Variants in PLD5 observed in about 807,000 individuals in gnomAD.
The protein encoded by PLD5 is phospholipase D family member 5.
PLD5 carries 36 observed loss-of-function variants against 61.1 expected under a neutral mutation model. The observed-to-expected ratio is 0.59, with a 90% CI of 0.45 to 0.78. The LOEUF (loss-of-function observed/expected upper bound fraction) is 0.78. Ranked by LOEUF, PLD5 falls within the 30% of genes least tolerant of loss-of-function variation. The pLI is 0.00. For synonymous variants in PLD5, 243 were observed against 242.8 expected (o/e 1.00, Z -0.01); for missense variants, 515 against 644.4 (o/e 0.80, Z 2.17).
chr1:242,523,641 C>T (rs1433642592), intron 1 of PLD5, among the ~76,000 whole-genome samples: 3 of 152,346 alleles, frequency 2.0e-5, no homozygotes, highest in East Asian at 3.9e-4. Context: ...TCGCTAGCGG[C>T]GCCAACTTTA....
In PLD5 at chr1:242,187,465, T is replaced by C. The variant is rs376221905; in HGVS notation, c.735+32523A>G. 3.5e-4 allele frequency among the ~76,000 whole-genome samples: 54 copies of C among 152,350 alleles called. No individual in the cohort carries two copies. The East Asian group carries it at 6.0e-3, about 17-fold the overall frequency. ...TGTTCATTTTTGTTGTGTGCACTTG[T>C]GCATATTCATAACTGATATATGCAC... On this transcript the variant is annotated intron_variant, in intron 5 of 9. Transcript: ENST00000536534.
intron 5 of PLD5, among the ~76,000 whole-genome samples, chr1:242,126,527 C>T (rs1284845678): frequency 1.3e-5 from 2 of 152,188 alleles, no homozygotes; most frequent in African/African-American, 4.8e-5. Flanking sequence ...GCCAACTGAT[C>T]TATGACAATG....
At chr1:242,368,252 A>T (rs947174786) in intron 1 of PLD5, among the ~76,000 whole-genome samples, 7 of 152,122 alleles carry the variant, frequency 4.6e-5, no homozygotes, top group South Asian at 2.1e-4. Context: ...ACCCTATAAA[A>T]GCCTTCTCCT....
In PLD5 at chr1:242,179,921, A is replaced by AGTGT. The variant is rs4039792; in HGVS notation, c.735+40063_735+40066dup. Reference sequence around the variant, plus strand: ...CTGTCTCAAAACAAAACCAAAATTGAGTGTGTGTGTGTGTGTGTGTGTGTG... The same window carrying AGTGT: ...CTGTCTCAAAACAAAACCAAAATTGAGTGTGTGTGTGTGTGTGTGTGTGTGTGTG... On this transcript the variant is annotated intron_variant, in intron 5 of 9. Coordinates refer to ENST00000536534, the MANE Select transcript of PLD5 (RefSeq NM_001372062.1). Among the ~76,000 whole-genome samples the AGTGT allele has an allele frequency of 1.3e-3, 203 of 150,552 alleles. 2 individuals carry two copies. The highest frequency in any genetic ancestry group is 4.3e-3 in the African/African-American group (175 of 41,046).
chr1:242,366,856 T>C (rs59756172), intron 1 of PLD5, among the ~76,000 whole-genome samples: 2,084 of 152,248 alleles, frequency 0.014, 53 homozygotes, highest in African/African-American at 0.048. Context: ...AAGCAAAGGC[T>C]AATAAATCAA....
chr1:242,110,170 T>C (rs1574313163), intron 7 of PLD5, among the ~76,000 whole-genome samples: 1 of 151,584 alleles, frequency 6.6e-6, no homozygotes, highest in Non-Finnish European at 1.5e-5. Context: ...CAGTTTCAAA[T>C]AGTGTATCAT....
chr1:242,434,421 G>T (rs1023063022), intron 1 of PLD5, among the ~76,000 whole-genome samples: 1 of 152,146 alleles, frequency 6.6e-6, no homozygotes, highest in African/African-American at 2.4e-5. Flanking sequence ...AGACAAGGTG[G>T]GTTTGATATG....
chr1:242,127,352 C>A (rs1662877482), intron 5 of PLD5, among the ~76,000 whole-genome samples: 1 of 152,170 alleles, frequency 6.6e-6, no homozygotes, highest in Non-Finnish European at 1.5e-5. Flanking sequence ...ACTTGCACAT[C>A]CATGTTTATA....
chr1:242,332,925 A>G (rs1452825366), intron 2 of PLD5, among the ~76,000 whole-genome samples: 6 of 152,216 alleles, frequency 3.9e-5, no homozygotes, highest in African/African-American at 1.4e-4. Context: ...CACCCAGGAC[A>G]GGTACCTCAC....
chr1:242,394,906 GAATA>G (rs1485837053), intron 1 of PLD5, among the ~76,000 whole-genome samples: 1 of 129,160 alleles, frequency 7.7e-6, no homozygotes, highest in Non-Finnish European at 1.6e-5. Context: ...GATTATATAT[GAATA>G]TATATGTATA....
At chr1:242,506,506 G>GA (rs958273399) in intron 1 of PLD5, among the ~76,000 whole-genome samples, 10 of 151,730 alleles carry the variant, frequency 6.6e-5, no homozygotes, top group African/African-American at 1.7e-4. Flanking sequence ...AGCTTCCTAG[G>GA]AAAAAAAATG....
chr1:242,275,374 T>C (rs1008004339), intron 3 of PLD5, among the ~76,000 whole-genome samples: 3 of 151,738 alleles, frequency 2.0e-5, no homozygotes, highest in Non-Finnish European at 2.9e-5. Context: ...ATATTACTTA[T>C]ATTTATTTAC....
At position 242,256,791 on chromosome 1, in the gene PLD5, T is replaced by TATCTATC. The variant is rs1553337285; in HGVS notation, c.607+8545_607+8546insGATAGAT. Among the ~76,000 whole-genome samples, 21 of 145,882 alleles carry TATCTATC rather than the reference T, an allele frequency of 1.4e-4. No individual in the cohort carries two copies. Among genetic ancestry groups the TATCTATC allele is most frequent in the African/African-American group, 5.1e-4 (20 of 38,860 alleles). ...CTATCTATCTATCTATCTATCTATC[T>TATCTATC]ATCTATTAATATCTATCTTTCTATG... On this transcript the variant is annotated intron_variant, in intron 4 of 9. Coordinates refer to ENST00000536534, the MANE Select transcript of PLD5 (RefSeq NM_001372062.1). This position sits in a 1 kb window ranked among gnomAD's most constrained non-coding sequence, Gnocchi z 5.7.
At chr1:242,185,467 A>C (rs1223752678) in intron 5 of PLD5, among the ~76,000 whole-genome samples, 1 of 152,180 alleles carries the variant, frequency 6.6e-6, no homozygotes, top group Non-Finnish European at 1.5e-5. Flanking sequence ...CATAATTTTG[A>C]CTTAGGGAAG....
At chr1:242,468,668 T>C (rs974131009) in intron 1 of PLD5, among the ~76,000 whole-genome samples, 4 of 151,856 alleles carry the variant, frequency 2.6e-5, no homozygotes, top group African/African-American at 9.7e-5. Flanking sequence ...TCAGCATATG[T>C]AAATACATAC....
chr1:242,431,655 A>C (rs935744705), intron 1 of PLD5, among the ~76,000 whole-genome samples: 5 of 152,234 alleles, frequency 3.3e-5, no homozygotes, highest in African/African-American at 1.2e-4. Flanking sequence ...GTCACCTGCC[A>C]GATTTAATTG....
At chr1:242,118,728 C>T (rs1662141988) in intron 6 of PLD5, among the ~76,000 whole-genome samples, 1 of 152,196 alleles carries the variant, frequency 6.6e-6, no homozygotes, top group Admixed American at 6.5e-5. Flanking sequence ...GCAGGTGCTC[C>T]AGCTCCATGT....
intron 1 of PLD5, among the ~76,000 whole-genome samples, chr1:242,356,796 A>G (rs181516174): frequency 2.6e-5 from 4 of 152,240 alleles, no homozygotes; most frequent in Admixed American, 6.5e-5. Context: ...AACTTTGATT[A>G]CATGTAACAA....
At position 242,463,964 on chromosome 1, in the gene PLD5, G is replaced by A. The variant is rs145866368; in HGVS notation, c.189+60124C>T. ...GAAAGCATTATCATTCAGTTATACC[G>A]AGTACCTCCATTCCCCACCTCTCCA... On this transcript the variant is annotated intron_variant, in intron 1 of 9. Transcript: ENST00000536534. 3.8e-4 allele frequency among the ~76,000 whole-genome samples: 58 copies of A among 151,968 alleles called. 1 individual carries two copies. Among genetic ancestry groups the A allele is most frequent in the African/African-American group, 1.0e-3 (42 of 41,452 alleles).
Sources: allele counts gnomAD v4.1 joint callset (sites outside exome capture counted in the v4.1 genomes callset), GRCh38; gene constraint gnomAD v4.1.1; non-coding constraint Gnocchi (gnomAD v3.1); transcripts MANE v1.5; gene names NCBI Gene and HGNC (gene_info 2026-07-23, HGNC 2026-07-21).